The following NINJ2 variants were observed in gnomAD, a reference collection of about 807,000 sequenced individuals.
NINJ2 encodes ninjurin-2.
NINJ2 carries 12 observed loss-of-function variants against 11.7 expected under a neutral mutation model. The ratio of observed to expected loss-of-function variants is 1.02; its 90% CI spans 0.66 to 1.66. NINJ2 has a LOEUF of 1.66. Ranked by LOEUF, NINJ2 falls within the 40% of genes most tolerant of loss-of-function variation. The probability of loss-of-function intolerance (pLI) is 0.00; values close to 1 mark genes in which losing one functional copy is unlikely to be tolerated. For missense variants in NINJ2, 187 were observed against 181.8 expected (o/e 1.03, Z -0.16); for synonymous variants, 93 against 76.8 (o/e 1.21, Z -1.10).
At chr12:652,988 A>G (rs1377180282) in intron 1 of NINJ2, among the ~76,000 whole-genome samples, 2 of 146,694 alleles carry the variant, frequency 1.4e-5, no homozygotes, top group Non-Finnish European at 3.0e-5. Flanking sequence ...AAATTCATAC[A>G]TTTGTGATAT....
At chr12:612,454 G>C (rs1232508264) in intron 1 of NINJ2, among the ~76,000 whole-genome samples, 1 of 152,118 alleles carries the variant, frequency 6.6e-6, no homozygotes, top group African/African-American at 2.4e-5. Flanking sequence ...TGTCCAAGCA[G>C]GGCCAATCAG....
intron 1 of NINJ2, among the ~76,000 whole-genome samples, chr12:627,078 C>T (rs1948218611): frequency 6.6e-6 from 1 of 151,960 alleles, no homozygotes; most frequent in African/African-American, 2.4e-5. Flanking sequence ...GAGCCAGACC[C>T]CATCTCAAAA....
intron 1 of NINJ2, among the ~76,000 whole-genome samples, chr12:594,722 A>G (rs1947760003): frequency 6.6e-6 from 1 of 152,228 alleles, no homozygotes; most frequent in Non-Finnish European, 1.5e-5. Context: ...ATGAATAGAA[A>G]GACTCAATAT....
intron 1 of NINJ2, among the ~76,000 whole-genome samples, chr12:647,999 G>A (rs1173067053): frequency 6.6e-6 from 1 of 152,176 alleles, no homozygotes; most frequent in Non-Finnish European, 1.5e-5. Context: ...TGGGTAGTTG[G>A]GAGGATTCAT....
At chr12:616,949 T>C (rs912954684) in intron 1 of NINJ2, among the ~76,000 whole-genome samples, 1 of 152,226 alleles carries the variant, frequency 6.6e-6, no homozygotes, top group African/African-American at 2.4e-5. Context: ...CTCATGCCTG[T>C]AATCCCAGCA....
At chr12:649,531 G>GTATATATATATA (rs58255301) in intron 1 of NINJ2, among the ~76,000 whole-genome samples, 2,774 of 127,602 alleles carry the variant, frequency 0.022, 75 homozygotes, top group African/African-American at 0.049. Context: ...GTGTATATGT[G>GTATATATATATA]TATATATATA....
chr12:608,175 C>A (rs1409171648), intron 1 of NINJ2, among the ~76,000 whole-genome samples: 1 of 152,110 alleles, frequency 6.6e-6, no homozygotes, highest in Non-Finnish European at 1.5e-5. Flanking sequence ...GAGTCTTTAC[C>A]AAGCACACCA....
chr12:642,841 T>TGGGCTCGGGGCCCCGCTCCC (rs1948438590), intron 1 of NINJ2: 2 of 151,374 alleles, frequency 1.3e-5, no homozygotes, highest in Non-Finnish European at 3.0e-5. Context: ...ATGCGGGAAG[T>TGGGCTCGGGGCCCCGCTCCC]GGGCTCGGGG....
intron 1 of NINJ2, among the ~76,000 whole-genome samples, chr12:592,807 CATT>C (rs1947734855): frequency 6.6e-6 from 1 of 152,152 alleles, no homozygotes; most frequent in Admixed American, 6.5e-5. Context: ...TAAATACTGT[CATT>C]ATAAAAATTA....
intron 1 of NINJ2, among the ~76,000 whole-genome samples, chr12:635,773 C>A (rs1372634957): frequency 6.6e-6 from 1 of 152,216 alleles, no homozygotes; most frequent in Non-Finnish European, 1.5e-5. Context: ...CCAAAGGACA[C>A]TATTAAAAGA....
At chr12:565,505 C>T in intron 2 of NINJ2, 104 bp from the exon 3 acceptor site, 1 of 1,206,312 alleles carries the variant, frequency 8.3e-7, no homozygotes. Flanking sequence ...CCTTCAGAAA[C>T]CCATGTGGCA....
intron 1 of NINJ2, among the ~76,000 whole-genome samples, chr12:639,265 C>A (rs7133532): frequency 0.98 from 149,047 of 152,258 alleles, 73,025 homozygotes; most frequent in East Asian, 1. Flanking sequence ...TGCCACAATA[C>A]TAGTCACACT....
chr12:625,458 GGTGA>G (rs1407936135), intron 1 of NINJ2, among the ~76,000 whole-genome samples: 1 of 152,148 alleles, frequency 6.6e-6, no homozygotes, highest in African/African-American at 2.4e-5. Flanking sequence ...TAGAGTTCAT[GGTGA>G]TCATAGCTGT....
chr12:606,717 T>A (rs543488674), intron 1 of NINJ2, among the ~76,000 whole-genome samples: 1 of 152,246 alleles, frequency 6.6e-6, no homozygotes. Flanking sequence ...ACGGTTTAGG[T>A]AAGTTAGTCC....
At chr12:587,804 G>A (rs1017575792) in intron 1 of NINJ2, among the ~76,000 whole-genome samples, 5 of 152,134 alleles carry the variant, frequency 3.3e-5, no homozygotes, top group African/African-American at 4.8e-5. Flanking sequence ...GCCCTTCCTC[G>A]CCGTCCACCC....
chr12:631,081 C>A (rs1234622154), intron 1 of NINJ2: 2 of 152,206 alleles, frequency 1.3e-5, no homozygotes, highest in Non-Finnish European at 2.9e-5. Context: ...TGGCCCCTGT[C>A]ACAGCCTCGG....
intron 1 of NINJ2, among the ~76,000 whole-genome samples, chr12:651,712 C>A (rs1000712241): frequency 6.6e-6 from 1 of 152,086 alleles, no homozygotes. Flanking sequence ...GCAGATGGCA[C>A]GCAAGAAGAG....
intron 1 of NINJ2, among the ~76,000 whole-genome samples, chr12:608,995 T>C (rs1020870020): frequency 1.3e-5 from 2 of 152,260 alleles, no homozygotes; most frequent in Non-Finnish European, 2.9e-5. Flanking sequence ...CACAGAAGAA[T>C]TCATGCACAT....
Position 634,362 on chromosome 12 carries a change from C to T in NINJ2, c.33+28966G>A, listed in dbSNP as rs556393991. On this transcript the variant is annotated intron_variant, in intron 1 of 3. Coordinates refer to ENST00000305108, the MANE Select transcript of NINJ2 (RefSeq NM_016533.6). ...GCAACCTCCGCCTCCCAGGTTCACA[C>T]GATTCTCCTGCCTCAGCCCCCCTAG... 4.2e-3 allele frequency among the ~76,000 whole-genome samples: 614 copies of T among 146,114 alleles called. 3 individuals are homozygous for T. The highest frequency in any genetic ancestry group is 0.015 in the African/African-American group (579 of 39,698).
Sources: allele counts gnomAD v4.1 joint callset (sites outside exome capture counted in the v4.1 genomes callset), GRCh38; gene constraint gnomAD v4.1.1; transcripts MANE v1.5; gene names NCBI Gene and HGNC (gene_info 2026-07-23, HGNC 2026-07-21).